The following FRMPD2 variants were observed in gnomAD, a reference collection of about 807,000 sequenced individuals.
FRMPD2 encodes FERM and PDZ domain-containing protein 2.
A neutral mutation model predicts 140.1 loss-of-function variants in FRMPD2; 96 were observed. The ratio of observed to expected loss-of-function variants is 0.69; its 90% CI spans 0.58 to 0.81. FRMPD2 has a LOEUF of 0.81. Ranked by LOEUF, FRMPD2 falls within the 40% of genes least tolerant of loss-of-function variation. FRMPD2 has a pLI of 0.00. For missense variants in FRMPD2, 1,240 were observed against 1,447.4 expected (o/e 0.86, Z 2.32); for synonymous variants, 449 against 547.6 (o/e 0.82, Z 2.52).
chr10:48,259,285 C>T (rs76018107), intron 1 of FRMPD2, among the ~76,000 whole-genome samples: 4,597 of 152,186 alleles, frequency 0.03, 102 homozygotes, highest in Admixed American at 0.043. Flanking sequence ...AAGGCAAAAA[C>T]GATCCCCACT....
rs1205876213 is a variant in FRMPD2 at position 48,156,803 on chromosome 10, C to T, written c.*519G>A. On this transcript the variant is annotated 3_prime_UTR_variant, in exon 29 of 29. Transcript: ENST00000374201. ...GACAAGTTTATTGACTTCTTTGGAA[C>T]CTCAGTTTTCTCATTTGACAAAACT... 7 of 197,474 alleles carry T rather than the reference C, an allele frequency of 3.5e-5. No homozygotes were observed. Among genetic ancestry groups the T allele is most frequent in the African/African-American group, 1.7e-4 (7 of 41,484 alleles). 12.2% of individuals were successfully genotyped at this position (197,474 alleles called of 1,614,324 possible). A position where few individuals can be genotyped will look rare whatever the true frequency, so the allele number is the denominator to read the frequency against.
intron 10 of FRMPD2, among the ~76,000 whole-genome samples, chr10:48,227,188 C>G (rs375529004): frequency 3.3e-5 from 5 of 152,264 alleles, no homozygotes; most frequent in African/African-American, 1.2e-4. Flanking sequence ...AATTGTGACT[C>G]TTGTGAATTT....
chr10:48,220,495 A>G lies in FRMPD2; in HGVS notation c.1455+1818T>C, dbSNP rs371613422. Among the ~76,000 whole-genome samples the G allele has an allele frequency of 4.8e-4, 73 of 152,328 alleles. 1 individual carries two copies. In the East Asian group the frequency reaches 0.012, roughly 25 times the overall value. ...GAAAACATAAAAATTTGAGAAGATA[A>G]CACCAGAAAAACCCTTCTGGATATT... On this transcript the variant is annotated intron_variant, in intron 12 of 28. Transcript: ENST00000374201.
chr10:48,228,883 A>G (rs967867449), intron 10 of FRMPD2, among the ~76,000 whole-genome samples: 6 of 152,068 alleles, frequency 3.9e-5, no homozygotes, highest in African/African-American at 1.4e-4. Context: ...TATCAATAAA[A>G]CTGAATAAGA....
At chr10:48,243,566 C>A (rs1001713916) in intron 4 of FRMPD2, among the ~76,000 whole-genome samples, 1 of 152,206 alleles carries the variant, frequency 6.6e-6, no homozygotes, top group Non-Finnish European at 1.5e-5. Flanking sequence ...TCAGGACACA[C>A]ACCCAGGAAG....
At position 48,192,768 on chromosome 10, in the gene FRMPD2, G is replaced by A. The variant is rs778753992; in HGVS notation, c.2081C>T (p.Ala694Val). Reference sequence around the variant, plus strand: ...TGATGTACTCAGCAGGCCTCCTGCAGCACCCTGAAGCCTGGATACAAACAA... The same window carrying A: ...TGATGTACTCAGCAGGCCTCCTGCAACACCCTGAAGCCTGGATACAAACAA... ...NELFVSRLQG[A>V]AGGLLSTSMD... is the part of the protein sequence containing the mutation. The change falls in exon 16 of 29, where the codon GCT becomes GTT. Residue 694 changes from alanine to valine, a missense_variant. This residue lies in a region of FRMPD2 where 1,161 missense variants were observed against 1,055.9 expected (regional missense o/e 1.10). Transcript: ENST00000374201. 4 of 1,614,152 alleles carry A rather than the reference G, an allele frequency of 2.5e-6. No homozygotes were observed. The Admixed American group carries it at 6.7e-5, about 27-fold the overall frequency.
intron 9 of FRMPD2, among the ~76,000 whole-genome samples, chr10:48,235,010 TC>T (rs1275096128): frequency 2.6e-5 from 4 of 152,058 alleles, no homozygotes; most frequent in Admixed American, 6.5e-5. Flanking sequence ...GGGTGAATTG[TC>T]CCTTCTTCCC....
At chr10:48,263,940 T>C (rs147701019) in intron 1 of FRMPD2, among the ~76,000 whole-genome samples, 42 of 152,238 alleles carry the variant, frequency 2.8e-4, no homozygotes, top group African/African-American at 8.9e-4. Flanking sequence ...AATATAATCA[T>C]ACACCATGAC....
At chr10:48,233,035 G>C (rs1279916163) in intron 9 of FRMPD2, among the ~76,000 whole-genome samples, 1 of 152,188 alleles carries the variant, frequency 6.6e-6, no homozygotes, top group Non-Finnish European at 1.5e-5. Flanking sequence ...GATCTGTCAG[G>C]TCAGGCTCTG....
At chr10:48,185,770 A>G (rs902458742) in intron 17 of FRMPD2, 125 bp from the exon 18 acceptor site, 2 of 708,800 alleles carry the variant, frequency 2.8e-6, no homozygotes, top group African/African-American at 1.7e-5. Flanking sequence ...ACAATCCTGA[A>G]AACAAAAGTA....
rs1445825032 is a variant in FRMPD2, at chr10:48,206,744, T to C, written c.1797+4A>G. 1 of 1,612,474 alleles carries C rather than the reference T, an allele frequency of 6.2e-7. No individual in the cohort carries two copies. Among genetic ancestry groups the C allele is most frequent in the Non-Finnish European group, 8.5e-7 (1 of 1,178,694 alleles). On this transcript the variant is annotated splice_donor_region_variant and intron_variant, in intron 14 of 28. Transcript: ENST00000374201. ...AGGTTATTTATCAACTGAGCTACAC[T>C]CACATAAGTAGAAATCTTCCCGGTT...
At chr10:48,207,233 C>A (rs897020922) in intron 13 of FRMPD2, among the ~76,000 whole-genome samples, 1 of 150,294 alleles carries the variant, frequency 6.7e-6, no homozygotes, top group African/African-American at 2.5e-5. Flanking sequence ...TAACACAGTA[C>A]AATAATAATA....
At chr10:48,253,543 C>T (rs1840432376) in intron 1 of FRMPD2, among the ~76,000 whole-genome samples, 1 of 152,036 alleles carries the variant, frequency 6.6e-6, no homozygotes, top group Non-Finnish European at 1.5e-5. Context: ...AAAACCCCAC[C>T]CAATATCAAA....
At chr10:48,184,063 A>G (rs1438754801) in intron 20 of FRMPD2, among the ~76,000 whole-genome samples, 2 of 152,044 alleles carry the variant, frequency 1.3e-5, no homozygotes, top group Non-Finnish European at 2.9e-5. Flanking sequence ...AACCCCTGTG[A>G]CACGAGTTTG....
rs34228352 is a variant in FRMPD2, at chr10:48,264,161, T to TA, written c.25+10381dup. Among the ~76,000 whole-genome samples the TA allele has an allele frequency of 7.8e-3, 1,161 of 147,926 alleles. 10 individuals are homozygous for TA. The highest frequency in any genetic ancestry group is 0.012 in the Non-Finnish European group (778 of 66,526). Reference sequence around the variant, plus strand: ...TTCGACTTAATCTTTTTAAAATATGTAAAAAAAAAAATCTACGGCCAACAC... The same window carrying TA: ...TTCGACTTAATCTTTTTAAAATATGTAAAAAAAAAAAATCTACGGCCAACAC... On this transcript the variant is annotated intron_variant, in intron 1 of 28. Transcript: ENST00000374201.
intron 1 of FRMPD2, among the ~76,000 whole-genome samples, chr10:48,270,508 T>C (rs1310823303): frequency 6.6e-6 from 1 of 152,194 alleles, no homozygotes; most frequent in East Asian, 1.9e-4. Context: ...CAAATGTCAG[T>C]GGTCTTTGGG....
At chr10:48,200,612 T>C (rs1839063060) in intron 15 of FRMPD2, among the ~76,000 whole-genome samples, 1 of 152,244 alleles carries the variant, frequency 6.6e-6, no homozygotes, top group East Asian at 1.9e-4. Flanking sequence ...TCTGTGTTGC[T>C]AGTGACTCCC....
chr10:48,272,662 T>C (rs1309633298), intron 1 of FRMPD2, among the ~76,000 whole-genome samples: 1 of 152,218 alleles, frequency 6.6e-6, no homozygotes, highest in Non-Finnish European at 1.5e-5. Context: ...TGGTTTGCTG[T>C]TTTTTCATTC....
chr10:48,244,316 T>C (rs887285865), intron 4 of FRMPD2, among the ~76,000 whole-genome samples: 38 of 152,234 alleles, frequency 2.5e-4, no homozygotes, highest in Non-Finnish European at 2.9e-5. Flanking sequence ...GCTTTAAGCC[T>C]TCTTGTAGTT....
Sources: allele counts gnomAD v4.1 joint callset (sites outside exome capture counted in the v4.1 genomes callset), GRCh38; gene constraint gnomAD v4.1.1; regional missense constraint gnomAD v4.1.1; transcripts MANE v1.5; gene names NCBI Gene and HGNC (gene_info 2026-07-23, HGNC 2026-07-21).